FOXP2: variants seen among roughly 807,000 people sequenced by gnomAD.
The protein encoded by FOXP2 is forkhead box protein P2.
FOXP2 carries 12 observed loss-of-function variants against 115.8 expected under a neutral mutation model. The observed-to-expected ratio is 0.10, with a 90% CI of 0.07 to 0.17. The LOEUF is 0.17. Ranked by LOEUF, FOXP2 falls within the 10% of genes least tolerant of loss-of-function variation. FOXP2 has a pLI of 1.00. For synonymous variants in FOXP2, 328 were observed against 297.7 expected, an observed-to-expected ratio of 1.10 and a Z score of -1.05; for missense variants, 629 against 843.5, an observed-to-expected ratio of 0.75 and a Z score of 3.15.
chr7:114,346,387 T>C (rs2129185007), intron 2 of FOXP2, among the ~76,000 whole-genome samples: 1 of 151,900 alleles, frequency 6.6e-6, no homozygotes, highest in East Asian at 1.9e-4. Flanking sequence ...AAATGTGGTA[T>C]ATAGACACAT....
At chr7:114,410,479 ATAT>A (rs1793136924), upstream of FOXP2, among the ~76,000 whole-genome samples, 1 of 152,098 alleles carries the variant, frequency 6.6e-6, no homozygotes, top group Non-Finnish European at 1.5e-5. Context: ...AAAAAAGGTA[ATAT>A]TATCTGCTTT....
At chr7:114,238,883 T>C (rs1370301264) in intron 1 of FOXP2, among the ~76,000 whole-genome samples, 1 of 150,800 alleles carries the variant, frequency 6.6e-6, no homozygotes, top group Non-Finnish European at 1.5e-5. Flanking sequence ...TTATGTTATA[T>C]TTGGCCTTAG....
intron 1 of FOXP2, among the ~76,000 whole-genome samples, chr7:114,169,753 C>T (rs1203356672): frequency 1.3e-5 from 2 of 152,072 alleles, no homozygotes; most frequent in South Asian, 2.1e-4. Flanking sequence ...TACCTTGTAG[C>T]TCCCATAATT....
At chr7:114,325,134 G>A (rs796155774) in intron 2 of FOXP2, among the ~76,000 whole-genome samples, 5 of 151,722 alleles carry the variant, frequency 3.3e-5, no homozygotes, top group African/African-American at 1.2e-4. Context: ...ATGTATTATT[G>A]GTGCAAATAG....
rs539157640 is a variant in FOXP2, at chr7:114,176,500, C to T, written c.-102+13412C>T. ...GACTACAGGCGCGCACCACCACGCC[C>T]GGCTAATTTTTGTATTTTTTTGTAG... is the stretch of plus-strand genomic sequence containing the variant. On this transcript the variant is annotated intron_variant, in intron 1 of 17. Coordinates refer to the FOXP2 transcript ENST00000634411. Among the ~76,000 whole-genome samples the T allele has an allele frequency of 5.3e-5, 8 of 151,492 alleles. No homozygotes were observed. The East Asian group carries it at 5.9e-4, about 11-fold the overall frequency.
chr7:114,660,722 T>C (rs1200140932), intron 13 of FOXP2, among the ~76,000 whole-genome samples: 1 of 152,190 alleles, frequency 6.6e-6, no homozygotes, highest in Non-Finnish European at 1.5e-5. Flanking sequence ...ATATATGTTT[T>C]GGAGGGTTTT....
rs944934053 is a variant in FOXP2 at position 114,627,574 on chromosome 7, G to A, written c.259-966G>A. ...ATCCTCTTCCTATTTCTTCACATCC[G>A]TTCTGTCTTTCTCTAGGGCTTTCCC... On this transcript the variant is annotated intron_variant, in intron 3 of 16. Coordinates refer to ENST00000350908, the MANE Select transcript of FOXP2 (RefSeq NM_014491.4). 4.0e-5 allele frequency among the ~76,000 whole-genome samples: 6 copies of A among 151,804 alleles called. No individual in the cohort carries two copies. The South Asian group carries it at 6.2e-4, about 16-fold the overall frequency.
chr7:114,635,158 A>G (rs1805148601), intron 6 of FOXP2, among the ~76,000 whole-genome samples: 1 of 152,218 alleles, frequency 6.6e-6, no homozygotes, highest in African/African-American at 2.4e-5. Context: ...AGGCTAAGTT[A>G]GAATTGTGCC....
chr7:114,688,074 TA>T (rs1808456395), intron 16 of FOXP2, among the ~76,000 whole-genome samples: 2 of 151,262 alleles, frequency 1.3e-5, no homozygotes, highest in Non-Finnish European at 2.9e-5. Context: ...ATTTGTGAAG[TA>T]AAAAATGAGA....
chr7:114,224,012 G>A (rs190709264), intron 1 of FOXP2, among the ~76,000 whole-genome samples: 1 of 152,026 alleles, frequency 6.6e-6, no homozygotes, highest in East Asian at 1.9e-4. Context: ...ATATATTTTT[G>A]TGGATAGTGT....
chr7:114,232,858 T>C (rs1367347656), intron 1 of FOXP2, among the ~76,000 whole-genome samples: 1 of 152,068 alleles, frequency 6.6e-6, no homozygotes, highest in Non-Finnish European at 1.5e-5. Flanking sequence ...CATCCTATTA[T>C]ATGCTATAAC....
At position 114,250,504 on chromosome 7, in the gene FOXP2, G is replaced by T. The variant is rs556721782; in HGVS notation, c.-101-37515G>T. On this transcript the variant is annotated intron_variant, in intron 1 of 17. Transcript: ENST00000634411. The stretch of plus-strand genomic sequence containing the variant: ...ATTGCCATTCTAACTCGTGTGAGAT[G>T]GTATCTCATTGTGGTTTTGATCTGC... 3.3e-5 allele frequency among the ~76,000 whole-genome samples: 5 copies of T among 152,256 alleles called. No homozygotes were observed. The East Asian group carries it at 9.6e-4, about 29-fold the overall frequency.
chr7:114,252,523 G>GA (rs1795478465), intron 1 of FOXP2, among the ~76,000 whole-genome samples: 1 of 152,064 alleles, frequency 6.6e-6, no homozygotes, highest in African/African-American at 2.4e-5. Flanking sequence ...AGTCTTGGGA[G>GA]GGTGTATGTG....
chr7:114,102,765 T>G (rs1248196917), intron 1 of FOXP2, among the ~76,000 whole-genome samples: 1 of 151,036 alleles, frequency 6.6e-6, no homozygotes, highest in African/African-American at 2.4e-5. Flanking sequence ...TATAGACATA[T>G]CTTTTAAATC....
At chr7:114,623,552 A>G (rs1804367446) in intron 3 of FOXP2, among the ~76,000 whole-genome samples, 2 of 152,008 alleles carry the variant, frequency 1.3e-5, no homozygotes, top group Middle Eastern at 3.4e-3. Context: ...CTTTAAGCAT[A>G]TGGTGTAGCA....
intron 1 of FOXP2, among the ~76,000 whole-genome samples, chr7:114,120,218 T>G (rs1469899811): frequency 6.6e-6 from 1 of 152,186 alleles, no homozygotes; most frequent in East Asian, 1.9e-4. Flanking sequence ...TGTGGCTAGA[T>G]CAGTCACATG....
At chr7:114,658,624 G>A (rs775733184) in intron 11 of FOXP2, among the ~76,000 whole-genome samples, 28 of 152,150 alleles carry the variant, frequency 1.8e-4, no homozygotes, top group African/African-American at 2.9e-4. Flanking sequence ...GGACATATAC[G>A]AAACACCGTT....
chr7:114,089,421 G>C (rs775104059), intron 1 of FOXP2, among the ~76,000 whole-genome samples: 3 of 151,858 alleles, frequency 2.0e-5, no homozygotes, highest in Non-Finnish European at 4.4e-5. Context: ...GTGTATATTA[G>C]AATAAATACA....
At chr7:114,546,399 C>A (rs938020509) in intron 3 of FOXP2, among the ~76,000 whole-genome samples, 1 of 152,230 alleles carries the variant, frequency 6.6e-6, no homozygotes, top group South Asian at 2.1e-4. Flanking sequence ...ACACCTGATA[C>A]ATTACAACCA....
Sources: gnomAD v4.1 joint callset for allele counts (sites outside exome capture counted in the v4.1 genomes callset) on GRCh38, gnomAD v4.1.1 for gene constraint, MANE v1.5 for transcripts, NCBI Gene and HGNC (gene_info 2026-07-23, HGNC 2026-07-21) for gene names.